AGAP3: variants seen among roughly 807,000 people sequenced by gnomAD.
AGAP3 encodes the protein ArfGAP with GTPase domain, ankyrin repeat and PH domain 3.
In AGAP3, 24 loss-of-function variants were observed where a neutral mutation model predicts 96.9. The observed-to-expected ratio is 0.25, with a 90% CI of 0.18 to 0.35. The LOEUF (loss-of-function observed/expected upper bound fraction) is 0.35. Ranked by LOEUF, AGAP3 falls within the 10% of genes least tolerant of loss-of-function variation. The pLI is 1.00. For synonymous variants in AGAP3, 563 were observed against 536.1 expected (o/e 1.05, Z -0.69); for missense variants, 876 against 1,254.2 (o/e 0.70, Z 4.55).
chr7:151,090,392 T>G (rs1798345820), intron 1 of AGAP3: 1 of 150,566 alleles, frequency 6.6e-6, no homozygotes, highest in Admixed American at 6.6e-5. Context: ...TTTTTTTTTT[T>G]TTTTTTTTTT....
chr7:151,103,543 T>C (rs1299996197), intron 1 of AGAP3, among the ~76,000 whole-genome samples: 1 of 152,188 alleles, frequency 6.6e-6, no homozygotes, highest in African/African-American at 2.4e-5. Flanking sequence ...CACTGCCTCA[T>C]GCTCACATAT....
chr7:151,128,535 C>T (rs757874293), intron 9 of AGAP3, 45 bp from the exon 10 acceptor site: 2 of 1,560,946 alleles, frequency 1.3e-6, no homozygotes, highest in Non-Finnish European at 1.8e-6. Flanking sequence ...TGCCCTATGA[C>T]CTAGGGGGCT....
At position 151,142,332 on chromosome 7, in the gene AGAP3, G is replaced by T; in HGVS notation, c.2050+79G>T. The T allele has an allele frequency of 6.3e-7, 1 of 1,593,106 alleles. No homozygotes were observed. On this transcript the variant is annotated intron_variant, in intron 15 of 17. Transcript: ENST00000397238. This position sits in a 1 kb window ranked among gnomAD's most constrained non-coding sequence, Gnocchi z 7.5. ...GCAAGCATCAGGGAGCAGGGAAGAGGGCAGGGAAGCCTTCCCTAGTTGTCC... is the reference window on the plus strand; with the variant it reads ...GCAAGCATCAGGGAGCAGGGAAGAGTGCAGGGAAGCCTTCCCTAGTTGTCC...
chr7:151,104,579 CAG>C (rs1442542929), intron 1 of AGAP3, among the ~76,000 whole-genome samples: 2 of 152,204 alleles, frequency 1.3e-5, no homozygotes, highest in African/African-American at 4.8e-5. Flanking sequence ...CACTAGTAAT[CAG>C]GGGCGTGCCC....
intron 9 of AGAP3, among the ~76,000 whole-genome samples, chr7:151,126,381 G>C (rs560327147): frequency 6.6e-6 from 1 of 151,922 alleles, no homozygotes; most frequent in Non-Finnish European, 1.5e-5. Context: ...GGAGCGGGGC[G>C]GGGCGGGGCC....
intron 1 of AGAP3, among the ~76,000 whole-genome samples, chr7:151,103,657 A>G (rs531949989): frequency 2.0e-5 from 3 of 152,344 alleles, no homozygotes; most frequent in South Asian, 4.1e-4. Flanking sequence ...ACACCAGAAT[A>G]GCACCTAGGA....
intron 1 of AGAP3, among the ~76,000 whole-genome samples, chr7:151,099,885 A>G (rs778870448): frequency 6.6e-6 from 1 of 152,234 alleles, no homozygotes; most frequent in Non-Finnish European, 1.5e-5. Flanking sequence ...TTGTAAACAC[A>G]CACGGACTCT....
At chr7:151,092,384 A>G (rs1334174427) in intron 1 of AGAP3, among the ~76,000 whole-genome samples, 1 of 152,218 alleles carries the variant, frequency 6.6e-6, no homozygotes. Flanking sequence ...TCTTTTTAAT[A>G]TGCAGGTAAC....
intron 1 of AGAP3, among the ~76,000 whole-genome samples, chr7:151,111,175 T>C (rs1368825936): frequency 2.0e-5 from 3 of 152,134 alleles, no homozygotes; most frequent in African/African-American, 4.8e-5. Context: ...AGCCCTAGCA[T>C]CCTGCCAGCC....
rs559493777 is a variant in AGAP3, at chr7:151,121,256, G to A, written c.1128+1111G>A. ...AACAGAGACTCTGTGCTGACGGTCCGCCACACATTGCAGCTGCCCGGCCCT... is the reference window on the plus strand; with the variant it reads ...AACAGAGACTCTGTGCTGACGGTCCACCACACATTGCAGCTGCCCGGCCCT... On this transcript the variant is annotated intron_variant, in intron 8 of 17. Transcript: ENST00000397238. Among the ~76,000 whole-genome samples, 635 of 152,210 alleles carry A rather than the reference G, an allele frequency of 4.2e-3. 8 individuals are homozygous for A. The highest frequency in any genetic ancestry group is 6.7e-3 in the Non-Finnish European group (455 of 68,002).
intron 10 of AGAP3, among the ~76,000 whole-genome samples, chr7:151,134,025 C>T (rs924848868): frequency 5.3e-5 from 8 of 152,298 alleles, no homozygotes; most frequent in Non-Finnish European, 1.0e-4. Flanking sequence ...TCCATGTCCC[C>T]GAGTGTCTCC....
rs775453156 is a variant in AGAP3, at chr7:151,142,575, C to T, written c.2214C>T (p.Ala738=). The change falls in exon 16 of 18, where the codon GCC becomes GCT. Residue 738 remains alanine (A), a synonymous_variant. Transcript: ENST00000397238. This position sits in a 1 kb window ranked among gnomAD's most constrained non-coding sequence, Gnocchi z 7.5. ...TGACTGCCATGGGCAATGCCCTCGC[C>T]AACAGCGTCTGGGAGGGGGCCTTGG... ...AVMTAMGNAL[A]NSVWEGALGG... is the part of the protein sequence containing the mutation. 3.2e-5 allele frequency: 51 copies of T among 1,613,554 alleles called. No homozygotes were observed. The Admixed American group carries it at 8.5e-4, about 27-fold the overall frequency.
intron 1 of AGAP3, among the ~76,000 whole-genome samples, chr7:151,110,827 G>A (rs970363495): frequency 6.6e-6 from 1 of 152,132 alleles, no homozygotes; most frequent in African/African-American, 2.4e-5. Flanking sequence ...GGGAATGGAG[G>A]GTGTTACTAG....
chr7:151,122,586 T>TC (rs1799961610), intron 8 of AGAP3: 1 of 892,642 alleles, frequency 1.1e-6, no homozygotes, highest in Non-Finnish European at 1.7e-6. Context: ...TCCTCGTCCT[T>TC]CTCCTCCTCC....
rs1800747520 is a variant in AGAP3, at chr7:151,139,714, G to A, written c.1667-265G>A. 1 of 312,262 alleles carries A rather than the reference G, an allele frequency of 3.2e-6. No individual in the cohort carries two copies. The highest frequency in any genetic ancestry group is 2.1e-5 in the African/African-American group (1 of 46,642). The allele number at this position is 312,262 out of a possible 1,614,324, so 19.3% of individuals were successfully genotyped here. A position where few individuals can be genotyped will look rare whatever the true frequency, so the allele number is the denominator to read the frequency against. Reference sequence around the variant, plus strand: ...GGGCTGCCTTCCACCCCTCCAGGCTGCAGAGGCAGCTTCCTCCCTTTGCCT... The same window carrying A: ...GGGCTGCCTTCCACCCCTCCAGGCTACAGAGGCAGCTTCCTCCCTTTGCCT... On this transcript the variant is annotated intron_variant, in intron 12 of 17. Transcript: ENST00000397238. The surrounding 1 kb of genome is among the most constrained non-coding windows in gnomAD (Gnocchi z 4.9).
intron 1 of AGAP3, among the ~76,000 whole-genome samples, chr7:151,101,233 C>T (rs1184125022): frequency 6.6e-6 from 1 of 152,220 alleles, no homozygotes; most frequent in African/African-American, 2.4e-5. Context: ...CCACAGGGCC[C>T]CTCCTGGGCT....
intron 1 of AGAP3, among the ~76,000 whole-genome samples, chr7:151,092,017 G>A (rs1563417730): frequency 6.6e-6 from 1 of 152,156 alleles, no homozygotes; most frequent in Non-Finnish European, 1.5e-5. Flanking sequence ...GGGTGGGTGA[G>A]GTGGGCAGGA....
chr7:151,137,022 T>C (rs1369494007), intron 11 of AGAP3, among the ~76,000 whole-genome samples: 1 of 152,230 alleles, frequency 6.6e-6, no homozygotes, highest in African/African-American at 2.4e-5. Flanking sequence ...TCTGGTCCTC[T>C]TTGGGGTGTT....
At chr7:151,123,947 T>C (rs1800044796) in intron 9 of AGAP3, 61 bp downstream of exon 9, 1 of 1,516,486 alleles carries the variant, frequency 6.6e-7, no homozygotes, top group Non-Finnish European at 9.0e-7. Context: ...ATGTGGCGCT[T>C]CCCAGGGCCT....
Sources: allele counts gnomAD v4.1 joint callset (sites outside exome capture counted in the v4.1 genomes callset), GRCh38; gene constraint gnomAD v4.1.1; non-coding constraint Gnocchi (gnomAD v3.1); transcripts MANE v1.5; gene names NCBI Gene and HGNC (gene_info 2026-07-23, HGNC 2026-07-21).